Variants in COL23A1 observed in about 807,000 individuals in gnomAD.
The protein encoded by COL23A1 is collagen alpha-1(XXIII) chain.
A neutral mutation model predicts 99.3 loss-of-function variants in COL23A1; 97 were observed. That is an observed-to-expected ratio of 0.98 (90% CI 0.83 to 1.16). COL23A1 has a LOEUF of 1.16. Among genes scored for constraint, COL23A1 ranks in the 50% most tolerant of loss-of-function variants. COL23A1 has a pLI of 0.00. For missense variants in COL23A1, 762 were observed against 757.4 expected (o/e 1.01, Z -0.07); for synonymous variants, 320 against 308.2 (o/e 1.04, Z -0.40).
intron 5 of COL23A1, among the ~76,000 whole-genome samples, chr5:178,271,713 C>T (rs1407133098): frequency 6.6e-6 from 1 of 152,190 alleles, no homozygotes; most frequent in East Asian, 1.9e-4. Context: ...AAAGGGAAGG[C>T]GGAGAGGTGG....
At chr5:178,578,187 AAC>A (rs1229058798) in intron 1 of COL23A1, among the ~76,000 whole-genome samples, 4 of 151,874 alleles carry the variant, frequency 2.6e-5, no homozygotes, top group Non-Finnish European at 5.9e-5. Context: ...GCATACATGA[AAC>A]ACGTGCACAC....
At chr5:178,448,853 G>C (rs548648879) in intron 2 of COL23A1, among the ~76,000 whole-genome samples, 2 of 150,964 alleles carry the variant, frequency 1.3e-5, no homozygotes, top group South Asian at 4.2e-4. Context: ...CAGAAACACT[G>C]AATCTGCTTG....
chr5:178,502,113 T>A (rs1217431642), intron 2 of COL23A1, among the ~76,000 whole-genome samples: 1 of 152,200 alleles, frequency 6.6e-6, no homozygotes, highest in African/African-American at 2.4e-5. Context: ...CATTTTCACA[T>A]ATGGTAAGTA....
intron 2 of COL23A1, among the ~76,000 whole-genome samples, chr5:178,532,951 A>G (rs646599): frequency 0.52 from 78,815 of 151,974 alleles, 20,705 homozygotes; most frequent in Non-Finnish European, 0.57. Context: ...TGGAATCAAC[A>G]GCTGTTGGTT....
At chr5:178,414,320 A>C (rs1167851319) in intron 2 of COL23A1, among the ~76,000 whole-genome samples, 1 of 152,054 alleles carries the variant, frequency 6.6e-6, no homozygotes, top group East Asian at 1.9e-4. Flanking sequence ...AGAGGGCAGG[A>C]ATTGTATGTA....
intron 2 of COL23A1, among the ~76,000 whole-genome samples, chr5:178,539,130 T>C (rs918412895): frequency 6.6e-6 from 1 of 152,166 alleles, no homozygotes; most frequent in Non-Finnish European, 1.5e-5. Context: ...GCAATGAAAA[T>C]GTTCTGAAAA....
intron 2 of COL23A1, among the ~76,000 whole-genome samples, chr5:178,431,625 C>T (rs551982983): frequency 3.3e-5 from 5 of 152,330 alleles, no homozygotes; most frequent in South Asian, 2.1e-4. Flanking sequence ...AGCCAAGGAA[C>T]GCTGGCAGCG....
intron 2 of COL23A1, among the ~76,000 whole-genome samples, chr5:178,540,960 T>C (rs1201053092): frequency 6.6e-6 from 1 of 152,174 alleles, no homozygotes; most frequent in Non-Finnish European, 1.5e-5. Context: ...TTTTTAAAAA[T>C]CTCAGCAGGG....
chr5:178,352,192 G>A (rs1003071810), intron 2 of COL23A1: 1 of 152,196 alleles, frequency 6.6e-6, no homozygotes, highest in Non-Finnish European at 1.5e-5. Context: ...TCACCAAGAA[G>A]GTGCAAGACT....
At position 178,255,799 on chromosome 5, in the gene COL23A1, G is replaced by T. The variant is rs928513621; in HGVS notation, c.882+554C>A. 2.6e-6 allele frequency: 1 copy of T among 389,398 alleles called. No individual in the cohort carries two copies. Among genetic ancestry groups the T allele is most frequent in the Non-Finnish European group, 5.3e-6 (1 of 188,674 alleles). 24.1% of individuals were successfully genotyped at this position (389,398 alleles called of 1,614,324 possible). A position where few individuals can be genotyped will look rare whatever the true frequency, so the allele number is the denominator to read the frequency against. ...CGCTCCCCACCACCTGCACAGCCAG[G>T]CGGGGGCTCAGATCCATTTTTTTTG... On this transcript the variant is annotated intron_variant, in intron 15 of 28. Transcript: ENST00000390654. The surrounding 1 kb of genome is among the most constrained non-coding windows in gnomAD (Gnocchi z 4.2).
chr5:178,354,001 T>A (rs544579841), intron 2 of COL23A1, among the ~76,000 whole-genome samples: 4 of 151,376 alleles, frequency 2.6e-5, no homozygotes, highest in South Asian at 2.1e-4. Context: ...TGGATTTACA[T>A]ATGTGTTTGT....
At chr5:178,491,093 A>T (rs1757909533) in intron 2 of COL23A1, among the ~76,000 whole-genome samples, 1 of 151,500 alleles carries the variant, frequency 6.6e-6, no homozygotes. Context: ...GAGAGAAGAG[A>T]GAGGAGGGGG....
intron 2 of COL23A1, among the ~76,000 whole-genome samples, chr5:178,357,822 GTTTA>G (rs202128414): frequency 3.4e-4 from 51 of 150,240 alleles, no homozygotes; most frequent in African/African-American, 1.2e-3. Flanking sequence ...GTGTATGTGT[GTTTA>G]TGTGTATGTG....
intron 18 of COL23A1, 88 bp from the exon 19 acceptor site, chr5:178,249,294 T>G (rs1764884421): frequency 7.8e-7 from 1 of 1,281,820 alleles, no homozygotes; most frequent in Non-Finnish European, 1.1e-6. Context: ...TAGTTCATGC[T>G]AGGGCCCCAC....
At position 178,296,921 on chromosome 5, in the gene COL23A1, C is replaced by G. The variant is rs1030671610; in HGVS notation, c.407-6552G>C. Among the ~76,000 whole-genome samples, 22 of 152,238 alleles carry G rather than the reference C, an allele frequency of 1.4e-4. 1 individual carries two copies. Among genetic ancestry groups the G allele is most frequent in the African/African-American group, 5.1e-4 (21 of 41,456 alleles). On this transcript the variant is annotated intron_variant, in intron 3 of 28. Transcript: ENST00000390654. ...TCACAGCCTCCTAATCCGACTCCTC[C>G]TCCTGGGCACCCAACTCCACCAGCC... is the stretch of plus-strand genomic sequence containing the variant.
intron 6 of COL23A1, 72 bp downstream of exon 6, chr5:178,270,265 T>G (rs1756209771): frequency 6.3e-7 from 1 of 1,575,598 alleles, no homozygotes; most frequent in African/African-American, 1.3e-5. Context: ...CTCCAGTGCC[T>G]GCTGGTCACT....
intron 2 of COL23A1, among the ~76,000 whole-genome samples, chr5:178,465,864 C>T (rs987340167): frequency 6.6e-6 from 1 of 152,182 alleles, no homozygotes; most frequent in Non-Finnish European, 1.5e-5. Context: ...TCAGTACCAA[C>T]CAGCGGTGGT....
intron 3 of COL23A1, among the ~76,000 whole-genome samples, chr5:178,301,799 T>G (rs554580089): frequency 6.6e-6 from 1 of 152,170 alleles, no homozygotes; most frequent in Non-Finnish European, 1.5e-5. Context: ...TCCACCTCTG[T>G]GTGCGCCGGA....
intron 2 of COL23A1, among the ~76,000 whole-genome samples, chr5:178,449,760 G>T (rs1767379533): frequency 6.6e-6 from 1 of 151,946 alleles, no homozygotes; most frequent in African/African-American, 2.4e-5. Context: ...ATGTTTCTGA[G>T]AAAATTATAC....
Sources: gnomAD v4.1 joint callset for allele counts (sites outside exome capture counted in the v4.1 genomes callset) on GRCh38, gnomAD v4.1.1 for gene constraint, Gnocchi (gnomAD v3.1) non-coding constraint, MANE v1.5 for transcripts, NCBI Gene and HGNC (gene_info 2026-07-23, HGNC 2026-07-21) for gene names.